The following TUSC3 variants were observed in gnomAD, a reference collection of about 807,000 sequenced individuals.
TUSC3 encodes the protein dolichyl-diphosphooligosaccharide--protein glycosyltransferase subunit TUSC3.
In TUSC3, 45 loss-of-function variants were observed where a neutral mutation model predicts 44.8. The ratio of observed to expected loss-of-function variants is 1.00; its 90% CI spans 0.79 to 1.29. TUSC3 has a LOEUF of 1.29. Ranked by LOEUF, TUSC3 falls within the 50% of genes most tolerant of loss-of-function variation. TUSC3 has a pLI of 0.00. For missense variants in TUSC3, 519 were observed against 437.9 expected (o/e 1.19, Z -1.65); for synonymous variants, 212 against 152.9 (o/e 1.39, Z -2.85).
chr8:15,455,240 A>G (rs1800239494), intron 1 of TUSC3, among the ~76,000 whole-genome samples: 1 of 152,164 alleles, frequency 6.6e-6, no homozygotes, highest in Admixed American at 6.5e-5. Context: ...CCAAAACCCC[A>G]GGACTGGTGG....
intron 2 of TUSC3, among the ~76,000 whole-genome samples, chr8:15,643,362 A>G (rs1035984906): frequency 6.6e-6 from 1 of 151,494 alleles, no homozygotes; most frequent in Non-Finnish European, 1.5e-5. Flanking sequence ...ATTGTGTGAC[A>G]TTCTTCTTGG....
At chr8:15,464,686 T>C (rs1191623100) in intron 1 of TUSC3, among the ~76,000 whole-genome samples, 1 of 152,224 alleles carries the variant, frequency 6.6e-6, no homozygotes, top group Non-Finnish European at 1.5e-5. Flanking sequence ...TTAACCAAAA[T>C]GTATGATACT....
intron 8 of TUSC3, among the ~76,000 whole-genome samples, chr8:15,746,186 A>G (rs1811406870): frequency 1.3e-5 from 2 of 152,082 alleles, no homozygotes; most frequent in South Asian, 2.1e-4. Flanking sequence ...AGAAATTTGT[A>G]GTAAATTTTT....
intron 7 of TUSC3, among the ~76,000 whole-genome samples, chr8:15,733,082 A>T (rs915981250): frequency 6.6e-6 from 1 of 152,184 alleles, no homozygotes; most frequent in African/African-American, 2.4e-5. Context: ...CAGTTTCTGC[A>T]CACCTGCTTT....
intron 2 of TUSC3, among the ~76,000 whole-genome samples, chr8:15,489,752 T>C (rs1420069409): frequency 6.6e-6 from 1 of 152,190 alleles, no homozygotes; most frequent in African/African-American, 2.4e-5. Context: ...GAGAAAAGTA[T>C]AATGAGGCAT....
the TUSC3 span, among the ~76,000 whole-genome samples, chr8:15,847,976 A>G: frequency 6.6e-6 from 1 of 152,196 alleles, no homozygotes; most frequent in African/African-American, 2.4e-5. Context: ...TAAATCACCA[A>G]TCAGTAGGCC....
intron 6 of TUSC3, among the ~76,000 whole-genome samples, chr8:15,718,713 A>G (rs1810166166): frequency 6.6e-6 from 1 of 152,100 alleles, no homozygotes; most frequent in Admixed American, 6.6e-5. Flanking sequence ...TTAGATATAT[A>G]ACTTATGTTG....
chr8:15,617,788 A>G (rs1563136412), intron 1 of TUSC3, among the ~76,000 whole-genome samples: 1 of 152,174 alleles, frequency 6.6e-6, no homozygotes, highest in Non-Finnish European at 1.5e-5. Flanking sequence ...TTTATTTTGA[A>G]ACCATCCTCC....
chr8:15,764,104 T>C, intron 10 of TUSC3, 99 bp from the exon 11 acceptor site: 1 of 1,189,114 alleles, frequency 8.4e-7, no homozygotes, highest in African/African-American at 1.5e-5. Flanking sequence ...GACATTTTAA[T>C]GTTATATTTA....
At chr8:15,824,793 T>C in the TUSC3 span, among the ~76,000 whole-genome samples, 1,255 of 152,318 alleles carry the variant, frequency 8.2e-3, 17 homozygotes, top group African/African-American at 0.029. Flanking sequence ...ATGTCTTTTT[T>C]ATATAACTAT....
intron 2 of TUSC3, among the ~76,000 whole-genome samples, chr8:15,517,992 A>AAAC (rs796094387): frequency 1.3e-5 from 2 of 151,636 alleles, no homozygotes; most frequent in African/African-American, 2.4e-5. Flanking sequence ...ACAAAAAAAA[A>AAAC]CCCCCATACA....
intron 6 of TUSC3, among the ~76,000 whole-genome samples, chr8:15,686,686 A>G (rs73528528): frequency 0.03 from 4,503 of 152,210 alleles, 68 homozygotes; most frequent in East Asian, 0.048. Flanking sequence ...TTCAACAGAA[A>G]TATTTACAAA....
At chr8:15,595,523 A>G (rs1241851684) in intron 1 of TUSC3, among the ~76,000 whole-genome samples, 1 of 152,114 alleles carries the variant, frequency 6.6e-6, no homozygotes, top group Admixed American at 6.5e-5. Context: ...CGTCTTTTAT[A>G]TCCTGATGAC....
In TUSC3 at chr8:15,427,837, C is replaced by T. The variant is rs148240873; in HGVS notation, n.91+10532C>T. On this transcript the variant is annotated intron_variant and non_coding_transcript_variant, in intron 1 of 5. Transcript: ENST00000503191. ...AAAAAATCTTTGACAACACCAATGTCAAGAAGCTTTTCCCCTGTTTTCTTC... is the reference window on the plus strand; with the variant it reads ...AAAAAATCTTTGACAACACCAATGTTAAGAAGCTTTTCCCCTGTTTTCTTC... Among the ~76,000 whole-genome samples, 33 of 152,252 alleles carry T rather than the reference C, an allele frequency of 2.2e-4. No homozygotes were observed. The East Asian group carries it at 6.0e-3, about 28-fold the overall frequency.
intron 1 of TUSC3, among the ~76,000 whole-genome samples, chr8:15,577,541 G>C (rs1321696759): frequency 6.7e-6 from 1 of 149,292 alleles, no homozygotes; most frequent in African/African-American, 2.5e-5. Context: ...TGGCTAGCCA[G>C]TTTTCCCAGC....
At chr8:15,849,122 A>G in the TUSC3 span, among the ~76,000 whole-genome samples, 16 of 152,194 alleles carry the variant, frequency 1.1e-4, no homozygotes, top group Non-Finnish European at 2.4e-4. Context: ...AAAAAATCAA[A>G]GATACTACAT....
chr8:15,600,391 T>C (rs1804236918), intron 1 of TUSC3, among the ~76,000 whole-genome samples: 1 of 151,744 alleles, frequency 6.6e-6, no homozygotes, highest in Non-Finnish European at 1.5e-5. Flanking sequence ...AGGATGTCAG[T>C]AGGCTTAGAG....
chr8:15,675,288 C>T (rs1808135037), intron 6 of TUSC3, among the ~76,000 whole-genome samples: 1 of 150,660 alleles, frequency 6.6e-6, no homozygotes. Flanking sequence ...TTTTAGTATT[C>T]TTCTAAGAGT....
At chr8:15,476,314 C>G (rs920293963) in intron 1 of TUSC3, among the ~76,000 whole-genome samples, 7 of 152,158 alleles carry the variant, frequency 4.6e-5, no homozygotes, top group Non-Finnish European at 1.0e-4. Flanking sequence ...TTAATGTGTT[C>G]TATTCCTCTG....
Sources: gnomAD v4.1 joint callset for allele counts (sites outside exome capture counted in the v4.1 genomes callset) on GRCh38, gnomAD v4.1.1 for gene constraint, MANE v1.5 for transcripts, NCBI Gene and HGNC (gene_info 2026-07-23, HGNC 2026-07-21) for gene names.